Variants in ELMO1 observed in about 807,000 individuals in gnomAD.
ELMO1 encodes engulfment and cell motility 1, also known as engulfment and cell motility protein 1.
In ELMO1, 26 loss-of-function variants were observed where a neutral mutation model predicts 98.9. The observed-to-expected ratio is 0.26, with a 90% CI of 0.19 to 0.36. The LOEUF (loss-of-function observed/expected upper bound fraction) is 0.36. Among genes scored for constraint, ELMO1 ranks in the 10% least tolerant of loss-of-function variants. The pLI is 1.00. For missense variants in ELMO1, 627 were observed against 935.2 expected, an observed-to-expected ratio of 0.67 and a Z score of 4.30; for synonymous variants, 346 against 346.0, an observed-to-expected ratio of 1.00 and a Z score of 0.00.
chr7:37,351,241 T>C (rs953402974), intron 1 of ELMO1: 4 of 152,204 alleles, frequency 2.6e-5, no homozygotes, highest in African/African-American at 9.7e-5. Context: ...TTTAAAAAAT[T>C]TAAACACGAA....
At chr7:36,917,960 ATT>A (rs1023204185) in intron 16 of ELMO1, among the ~76,000 whole-genome samples, 4 of 152,220 alleles carry the variant, frequency 2.6e-5, no homozygotes, top group Admixed American at 2.6e-4. Context: ...AAAAATAAGC[ATT>A]CTTACTTTCT....
intron 13 of ELMO1, among the ~76,000 whole-genome samples, chr7:37,210,475 T>G (rs922345805): frequency 1.3e-5 from 2 of 151,412 alleles, no homozygotes; most frequent in Non-Finnish European, 2.9e-5. Context: ...AATATTATTA[T>G]TAGTATATAT....
intron 4 of ELMO1, among the ~76,000 whole-genome samples, chr7:37,284,160 T>C (rs1232035126): frequency 6.6e-6 from 1 of 152,084 alleles, no homozygotes; most frequent in Non-Finnish European, 1.5e-5. Context: ...GAAGCCCTGG[T>C]TGGCCCTGAC....
Position 37,171,481 on chromosome 7 carries a change from C to CTTTTTTTTTTTTTTTTTTTTTTTTTTTT in ELMO1, c.1087-38248_1087-38247insAAAAAAAAAAAAAAAAAAAAAAAAAAAA, listed in dbSNP as rs71553100. 6.8e-5 allele frequency among the ~76,000 whole-genome samples: 3 copies of CTTTTTTTTTTTTTTTTTTTTTTTTTTTT among 44,268 alleles called. 1 individual carries two copies. The allele number at this position is 44,268 out of a possible 152,430, so 29.0% of individuals were successfully genotyped here. A position where few individuals can be genotyped will look rare whatever the true frequency, so the allele number is the denominator to read the frequency against. On this transcript the variant is annotated intron_variant, in intron 13 of 21. Transcript: ENST00000310758. ...AGTTTATTCTTGTAACCAGGCCTTT[C>CTTTTTTTTTTTTTTTTTTTTTTTTTTTT]TATTTTTTTTTTTTTTTTTTTTTTT...
At chr7:37,359,326 T>C (rs1266885329) in intron 1 of ELMO1, among the ~76,000 whole-genome samples, 1 of 152,262 alleles carries the variant, frequency 6.6e-6, no homozygotes, top group East Asian at 1.9e-4. Flanking sequence ...GTCTGTATTC[T>C]AATCCTAGTT....
At chr7:37,326,042 A>G (rs1241603457) in intron 2 of ELMO1, among the ~76,000 whole-genome samples, 3 of 152,212 alleles carry the variant, frequency 2.0e-5, no homozygotes, top group Non-Finnish European at 4.4e-5. Flanking sequence ...GGCTGTGTCT[A>G]TACCCTATCT....
At chr7:37,133,650 T>G (rs1787072487) in intron 13 of ELMO1, among the ~76,000 whole-genome samples, 1 of 152,184 alleles carries the variant, frequency 6.6e-6, no homozygotes, top group East Asian at 1.9e-4. Context: ...AACCACGACC[T>G]ACCCACACCT....
At chr7:36,936,694 T>C (rs1786562700) in intron 16 of ELMO1, among the ~76,000 whole-genome samples, 4 of 152,128 alleles carry the variant, frequency 2.6e-5, no homozygotes, top group Admixed American at 2.6e-4. Context: ...CCTCAAGCCA[T>C]TTTTCCTTCT....
chr7:37,005,374 C>T (rs999950440), intron 16 of ELMO1, among the ~76,000 whole-genome samples: 15 of 151,814 alleles, frequency 9.9e-5, no homozygotes, highest in African/African-American at 3.6e-4. Context: ...CAGCTGAGAC[C>T]ACCACGGCAG....
At chr7:37,179,024 T>C (rs1790673253) in intron 13 of ELMO1, among the ~76,000 whole-genome samples, 1 of 152,192 alleles carries the variant, frequency 6.6e-6, no homozygotes, top group Non-Finnish European at 1.5e-5. Flanking sequence ...TAATATTTGG[T>C]TTTGATAAAT....
intron 13 of ELMO1, among the ~76,000 whole-genome samples, chr7:37,134,030 TA>T (rs1787101716): frequency 6.6e-6 from 1 of 152,176 alleles, no homozygotes; most frequent in Admixed American, 6.5e-5. Flanking sequence ...TCAACGTCAG[TA>T]ATCATCAGAG....
intron 16 of ELMO1, among the ~76,000 whole-genome samples, chr7:36,913,430 G>A (rs1200444447): frequency 6.6e-6 from 1 of 152,172 alleles, no homozygotes; most frequent in African/African-American, 2.4e-5. Flanking sequence ...GAAAATTGCA[G>A]AATGTTTATA....
At position 36,854,330 on chromosome 7, in the gene ELMO1, A is replaced by G. The variant is rs1802041307; in HGVS notation, c.*1221T>C. On this transcript the variant is annotated 3_prime_UTR_variant, in exon 22 of 22. Transcript: ENST00000310758. Reference sequence around the variant, plus strand: ...CTGATGACTGAGTAGCAAGAACCTAAGTTACTAAATCAAAACACCAGCTCC... The same window carrying G: ...CTGATGACTGAGTAGCAAGAACCTAGGTTACTAAATCAAAACACCAGCTCC... 1 of 152,332 alleles carries G rather than the reference A, an allele frequency of 6.6e-6. No individual in the cohort carries two copies. Among genetic ancestry groups the G allele is most frequent in the Non-Finnish European group, 1.5e-5 (1 of 68,040 alleles). The allele number at this position is 152,332 out of a possible 1,614,324, so 9.4% of individuals were successfully genotyped here.
At chr7:37,075,247 T>C (rs6964470) in intron 15 of ELMO1, among the ~76,000 whole-genome samples, 18,561 of 150,048 alleles carry the variant, frequency 0.12, 1,484 homozygotes, top group African/African-American at 0.24. Flanking sequence ...CCCGGGTTCA[T>C]GCCATTCTCC....
intron 2 of ELMO1, among the ~76,000 whole-genome samples, chr7:37,317,798 C>T (rs769330883): frequency 8.5e-5 from 13 of 152,118 alleles, no homozygotes; most frequent in Admixed American, 2.0e-4. Context: ...AATTTAATTG[C>T]ACATTTTAAA....
At chr7:37,290,425 TA>T (rs1195169296) in intron 4 of ELMO1, among the ~76,000 whole-genome samples, 1 of 152,212 alleles carries the variant, frequency 6.6e-6, no homozygotes, top group Non-Finnish European at 1.5e-5. Flanking sequence ...TGTTAATCTT[TA>T]AAAGATGATA....
intron 16 of ELMO1, among the ~76,000 whole-genome samples, chr7:36,947,806 A>C (rs903820602): frequency 6.6e-6 from 1 of 152,064 alleles, no homozygotes; most frequent in African/African-American, 2.4e-5. Context: ...CCTCCACCCA[A>C]GAGGCCACTC....
chr7:36,988,132 A>G (rs1254405260), intron 16 of ELMO1, among the ~76,000 whole-genome samples: 1 of 152,196 alleles, frequency 6.6e-6, no homozygotes, highest in Non-Finnish European at 1.5e-5. Flanking sequence ...TCTTTATGCC[A>G]CTAAGTGTAG....
At chr7:37,063,979 C>A (rs1796810585) in intron 15 of ELMO1, among the ~76,000 whole-genome samples, 1 of 152,090 alleles carries the variant, frequency 6.6e-6, no homozygotes, top group Non-Finnish European at 1.5e-5. Context: ...TGCCTAAATT[C>A]CTAAATTTTT....
Sources: allele counts gnomAD v4.1 joint callset (sites outside exome capture counted in the v4.1 genomes callset), GRCh38; gene constraint gnomAD v4.1.1; transcripts MANE v1.5; gene names NCBI Gene and HGNC (gene_info 2026-07-23, HGNC 2026-07-21).